The following SFXN4 variants were observed in gnomAD, a reference collection of about 807,000 sequenced individuals.
SFXN4 encodes the protein sideroflexin 4, also known as sideroflexin-4.
A neutral mutation model predicts 54.6 loss-of-function variants in SFXN4; 48 were observed. The ratio of observed to expected loss-of-function variants is 0.88; its 90% CI spans 0.70 to 1.12. The LOEUF is 1.12. Among genes scored for constraint, SFXN4 ranks in the 50% most tolerant of loss-of-function variants. The pLI, the probability that SFXN4 is intolerant of heterozygous loss-of-function variation, is 0.00. For missense variants in SFXN4, 383 were observed against 409.2 expected, an observed-to-expected ratio of 0.94 and a Z score of 0.55; for synonymous variants, 130 against 145.5, an observed-to-expected ratio of 0.89 and a Z score of 0.77.
Position 119,165,688 on chromosome 10 carries a change from TGGA to T in SFXN4, c.-44_-42del, listed in dbSNP as rs755346020. ...GTGGCCGCCGCCGCCAGGCCGCGCG[TGGA>T]GGAGGAGCCGGGCGGCGAGCCCCGC... On this transcript the variant is annotated 5_prime_UTR_variant, in exon 1 of 14. Coordinates refer to ENST00000355697, the MANE Select transcript of SFXN4 (RefSeq NM_213649.2). 6 of 1,468,010 alleles carry T rather than the reference TGGA, an allele frequency of 4.1e-6. No individual in the cohort carries two copies. The highest frequency in any genetic ancestry group is 3.0e-5 in the East Asian group (1 of 33,590). 90.9% of individuals were successfully genotyped at this position (1,468,010 alleles called of 1,614,324 possible).
intron 11 of SFXN4, among the ~76,000 whole-genome samples, chr10:119,151,416 C>CTGGGGG (rs202124322): frequency 1.7e-4 from 5 of 29,156 alleles, no homozygotes; most frequent in African/African-American, 7.6e-4. Flanking sequence ...CTCCCTAGGG[C>CTGGGGG]TGGGGGTGGG....
chr10:119,160,389 C>A (rs1334619349), intron 5 of SFXN4, among the ~76,000 whole-genome samples: 1 of 151,502 alleles, frequency 6.6e-6, no homozygotes, highest in Non-Finnish European at 1.5e-5. Context: ...GTGGCAGGCA[C>A]CTGTAATCCC....
intron 5 of SFXN4, among the ~76,000 whole-genome samples, chr10:119,160,052 C>T (rs1378159447): frequency 6.6e-6 from 1 of 151,906 alleles, no homozygotes. Flanking sequence ...GGCGGCATGA[C>T]CCTGTAGTCC....
intron 13 of SFXN4, among the ~76,000 whole-genome samples, chr10:119,141,529 G>A (rs1371639215): frequency 3.6e-5 from 1 of 27,636 alleles, no homozygotes; most frequent in African/African-American, 1.6e-4. Flanking sequence ...TTTTTTTTTT[G>A]AGACAGAGTC....
At chr10:119,156,812 C>A in intron 9 of SFXN4, 56 bp from the exon 10 acceptor site, 1 of 1,342,060 alleles carries the variant, frequency 7.5e-7, no homozygotes. Flanking sequence ...TCAGCGGAAC[C>A]TACTCACTAG....
chr10:119,157,984 A>T, intron 7 of SFXN4, 25 bp downstream of exon 7: 1 of 1,614,142 alleles, frequency 6.2e-7, no homozygotes, highest in Non-Finnish European at 8.5e-7. Flanking sequence ...GAATTTAGTA[A>T]TCGTGAAACA....
chr10:119,149,737 G>A (rs556895053), intron 11 of SFXN4, among the ~76,000 whole-genome samples: 12 of 152,174 alleles, frequency 7.9e-5, no homozygotes, highest in African/African-American at 2.2e-4. Context: ...GCAACAGAGC[G>A]AGACTCAGTC....
At chr10:119,147,922 G>A in intron 11 of SFXN4, 62 bp from the exon 12 acceptor site, 2 of 1,394,248 alleles carry the variant, frequency 1.4e-6, no homozygotes, top group East Asian at 2.3e-5. Flanking sequence ...TGTAATCCCT[G>A]CACTTTGGGA....
chr10:119,149,304 AC>A (rs1846952544), intron 11 of SFXN4, among the ~76,000 whole-genome samples: 1 of 151,798 alleles, frequency 6.6e-6, no homozygotes. Context: ...GCTTTGACCT[AC>A]CTTCCCAGGC....
At chr10:119,161,109 T>C (rs1028370852) in intron 3 of SFXN4, 28 bp from the exon 4 acceptor site, 4 of 1,612,876 alleles carry the variant, frequency 2.5e-6, no homozygotes, top group Admixed American at 3.3e-5. Flanking sequence ...AATAGCTTTG[T>C]TTCATTTTAA....
chr10:119,149,235 A>G (rs1220275662), intron 11 of SFXN4, among the ~76,000 whole-genome samples: 3 of 152,106 alleles, frequency 2.0e-5, no homozygotes, highest in Non-Finnish European at 2.9e-5. Context: ...AGGAGCAGGC[A>G]CACCTGCGCC....
chr10:119,148,413 C>T (rs1376488952), intron 11 of SFXN4, among the ~76,000 whole-genome samples: 2 of 152,106 alleles, frequency 1.3e-5, no homozygotes, highest in Non-Finnish European at 2.9e-5. Flanking sequence ...TAAGTACAAG[C>T]AAAGGTGGCT....
At chr10:119,159,865 A>T (rs1589646315) in intron 5 of SFXN4, 112 bp from the exon 6 acceptor site, 2 of 1,102,234 alleles carry the variant, frequency 1.8e-6, no homozygotes, top group Non-Finnish European at 1.4e-6. Context: ...GAAGGCACAG[A>T]CCTCAAAGGA....
chr10:119,165,676 C>T lies in SFXN4; in HGVS notation c.-29G>A, dbSNP rs967377411. The stretch of plus-strand genomic sequence containing the variant: ...GCGCTGGTTAGAGTGGCCGCCGCCG[C>T]CAGGCCGCGCGTGGAGGAGGAGCCG... On this transcript the variant is annotated 5_prime_UTR_variant, in exon 1 of 14. Coordinates refer to ENST00000355697, the MANE Select transcript of SFXN4 (RefSeq NM_213649.2). 2.0e-6 allele frequency: 3 copies of T among 1,512,576 alleles called. No individual in the cohort carries two copies. Among genetic ancestry groups the T allele is most frequent in the African/African-American group, 1.4e-5 (1 of 69,260 alleles). The allele number at this position is 1,512,576 out of a possible 1,614,324, so 93.7% of individuals were successfully genotyped here.
chr10:119,147,913 G>A, intron 11 of SFXN4, 53 bp from the exon 12 acceptor site: 2 of 1,460,092 alleles, frequency 1.4e-6, no homozygotes, highest in African/African-American at 1.4e-5. Flanking sequence ...GCTCACGCCT[G>A]TAATCCCTGC....
At chr10:119,165,463 C>T in intron 1 of SFXN4, 74 bp downstream of exon 1, 1 of 1,435,402 alleles carries the variant, frequency 7.0e-7, no homozygotes, top group Non-Finnish European at 9.1e-7. Context: ...GCCAAGGTCA[C>T]CCGGGTCAGC....
intron 11 of SFXN4, among the ~76,000 whole-genome samples, chr10:119,152,241 T>TTTC (rs56729547): frequency 1.3e-5 from 2 of 151,404 alleles, no homozygotes; most frequent in Non-Finnish European, 2.9e-5. Context: ...TTTTTTTTTT[T>TTTC]CCCCAGGGGA....
intron 12 of SFXN4, among the ~76,000 whole-genome samples, chr10:119,147,006 T>G (rs1334687293): frequency 6.6e-6 from 1 of 152,194 alleles, no homozygotes; most frequent in African/African-American, 2.4e-5. Flanking sequence ...GAGTCTGCCC[T>G]GAGGGGAAGA....
intron 11 of SFXN4, among the ~76,000 whole-genome samples, chr10:119,151,386 A>G: frequency 8.2e-6 from 1 of 122,520 alleles, no homozygotes; most frequent in East Asian, 2.9e-4. Context: ...ACAAACAAAA[A>G]AAAAGAAGCA....
Sources: allele counts gnomAD v4.1 joint callset (sites outside exome capture counted in the v4.1 genomes callset), GRCh38; gene constraint gnomAD v4.1.1; transcripts MANE v1.5; gene names NCBI Gene and HGNC (gene_info 2026-07-23, HGNC 2026-07-21).